Variants in HS3ST4 observed in about 807,000 individuals in gnomAD.
HS3ST4 encodes the protein heparan sulfate-glucosamine 3-sulfotransferase 4, also known as heparan sulfate glucosamine 3-O-sulfotransferase 4.
In HS3ST4, 17 loss-of-function variants were observed where a neutral mutation model predicts 29.2. The observed-to-expected ratio is 0.58, with a 90% CI of 0.40 to 0.87. The LOEUF (loss-of-function observed/expected upper bound fraction) is 0.87. Among genes scored for constraint, HS3ST4 ranks in the 40% least tolerant of loss-of-function variants. The pLI, the probability that HS3ST4 is intolerant of heterozygous loss-of-function variation, is 0.00. For missense variants in HS3ST4, 627 were observed against 634.5 expected (o/e 0.99, Z 0.13); for synonymous variants, 314 against 285.7 (o/e 1.10, Z -1.00).
At chr16:26,129,161 T>C (rs757737907) in intron 1 of HS3ST4, among the ~76,000 whole-genome samples, 7 of 152,322 alleles carry the variant, frequency 4.6e-5, no homozygotes, top group Middle Eastern at 6.8e-3. Context: ...ATGTCACAAA[T>C]TGAATGATGT....
chr16:25,867,025 A>G (rs1245561726), intron 1 of HS3ST4, among the ~76,000 whole-genome samples: 1 of 152,184 alleles, frequency 6.6e-6, no homozygotes, highest in Admixed American at 6.5e-5. Flanking sequence ...CCCAATTCAC[A>G]TAAAGGAAGG....
intron 1 of HS3ST4, among the ~76,000 whole-genome samples, chr16:25,908,680 G>A (rs1251955395): frequency 6.6e-6 from 1 of 151,764 alleles, no homozygotes; most frequent in Admixed American, 6.6e-5. Context: ...TCCAGTGGGG[G>A]CATATCTTGC....
intron 1 of HS3ST4, among the ~76,000 whole-genome samples, chr16:25,878,763 T>C (rs1473296779): frequency 6.6e-6 from 1 of 152,204 alleles, no homozygotes; most frequent in African/African-American, 2.4e-5. Flanking sequence ...ATGTAGCATA[T>C]TGCCTACAAG....
intron 1 of HS3ST4, among the ~76,000 whole-genome samples, chr16:25,785,799 G>C (rs1041339176): frequency 7.9e-5 from 12 of 152,158 alleles, no homozygotes; most frequent in African/African-American, 2.7e-4. Flanking sequence ...AGAAGAAGAG[G>C]GGAAGTGAGT....
At chr16:25,978,818 A>G (rs8062200) in intron 1 of HS3ST4, among the ~76,000 whole-genome samples, 137,484 of 152,180 alleles carry the variant, frequency 0.9, 62,279 homozygotes, top group Admixed American at 0.94. Context: ...GCTCAGGCAA[A>G]GTGAGGAGGA....
chr16:26,039,075 A>G (rs73514506), intron 1 of HS3ST4, among the ~76,000 whole-genome samples: 2,492 of 152,042 alleles, frequency 0.016, 65 homozygotes, highest in African/African-American at 0.055. Context: ...ATCTGACATC[A>G]CTTTTTGTCC....
chr16:25,999,774 ATATATATTATATATATTT>A (rs1446584499), intron 1 of HS3ST4, among the ~76,000 whole-genome samples: 1 of 133,270 alleles, frequency 7.5e-6, no homozygotes, highest in Admixed American at 8.5e-5. Flanking sequence ...ATATATATTT[ATATATATTATATATATTT>A]TATATATATT....
chr16:25,733,133 G>A (rs1262898567), intron 1 of HS3ST4, among the ~76,000 whole-genome samples: 3 of 152,210 alleles, frequency 2.0e-5, no homozygotes, highest in Non-Finnish European at 4.4e-5. Context: ...GAGAAATGCA[G>A]ACATGGGAAA....
chr16:25,897,932 G>C (rs1324880300), intron 1 of HS3ST4, among the ~76,000 whole-genome samples: 1 of 152,156 alleles, frequency 6.6e-6, no homozygotes, highest in Non-Finnish European at 1.5e-5. Flanking sequence ...ATGACAAGGT[G>C]CCTCATTTGG....
At chr16:25,769,298 T>A (rs1966839120) in intron 1 of HS3ST4, among the ~76,000 whole-genome samples, 1 of 152,012 alleles carries the variant, frequency 6.6e-6, no homozygotes, top group African/African-American at 2.4e-5. Context: ...GCCCACCATG[T>A]CATGGAGGTT....
chr16:25,938,986 A>G (rs1035482953), intron 1 of HS3ST4, among the ~76,000 whole-genome samples: 1 of 152,168 alleles, frequency 6.6e-6, no homozygotes, highest in Admixed American at 6.5e-5. Context: ...AATCTAGTGC[A>G]ATGTCTTGTA....
intron 1 of HS3ST4, among the ~76,000 whole-genome samples, chr16:26,077,443 ATCACCTT>A (rs1426371763): frequency 3.9e-5 from 6 of 152,202 alleles, no homozygotes; most frequent in African/African-American, 1.4e-4. Flanking sequence ...TCAGCTCCTG[ATCACCTT>A]TTACAATAGG....
chr16:25,968,609 G>T (rs1020999693), intron 1 of HS3ST4, among the ~76,000 whole-genome samples: 3 of 152,176 alleles, frequency 2.0e-5, no homozygotes, highest in Non-Finnish European at 4.4e-5. Context: ...ATGGGTTCTA[G>T]ATCCAGTTTG....
At chr16:25,965,640 A>G (rs553631334) in intron 1 of HS3ST4, among the ~76,000 whole-genome samples, 22 of 152,196 alleles carry the variant, frequency 1.4e-4, no homozygotes, top group African/African-American at 5.3e-4. Flanking sequence ...ATTCCTTTTT[A>G]TCATTCGTGT....
chr16:25,989,021 A>G (rs904061708), intron 1 of HS3ST4, among the ~76,000 whole-genome samples: 1 of 152,208 alleles, frequency 6.6e-6, no homozygotes, highest in African/African-American at 2.4e-5. Context: ...TGAAAGCTCC[A>G]CTGGTATGGT....
intron 1 of HS3ST4, among the ~76,000 whole-genome samples, chr16:25,918,146 T>C (rs1255873809): frequency 1.3e-5 from 2 of 152,216 alleles, no homozygotes; most frequent in African/African-American, 4.8e-5. Context: ...GTCTTGGTGA[T>C]ACAAATATGG....
At chr16:25,978,428 A>G (rs924427219) in intron 1 of HS3ST4, among the ~76,000 whole-genome samples, 1 of 152,226 alleles carries the variant, frequency 6.6e-6, no homozygotes, top group Non-Finnish European at 1.5e-5. Context: ...ACAACACCAA[A>G]TGTGCATGTC....
chr16:25,921,163 T>G (rs1448734715), intron 1 of HS3ST4, among the ~76,000 whole-genome samples: 1 of 152,194 alleles, frequency 6.6e-6, no homozygotes, highest in Non-Finnish European at 1.5e-5. Context: ...AGAATGGGGC[T>G]CCATGCATAG....
intron 1 of HS3ST4, among the ~76,000 whole-genome samples, chr16:26,084,195 G>C (rs542410010): frequency 1.3e-5 from 2 of 152,280 alleles, no homozygotes; most frequent in South Asian, 4.1e-4. Flanking sequence ...TCCTTCAGAT[G>C]TCTATGAGTG....
Sources: allele counts gnomAD v4.1 joint callset (sites outside exome capture counted in the v4.1 genomes callset), GRCh38; gene constraint gnomAD v4.1.1; transcripts MANE v1.5; gene names NCBI Gene and HGNC (gene_info 2026-07-23, HGNC 2026-07-21).